The following FHIP1A variants were observed in gnomAD, a reference collection of about 807,000 sequenced individuals.
The protein encoded by FHIP1A is FHF complex subunit HOOK-interacting protein 1A.
Under a neutral mutation model 88.6 loss-of-function variants are expected in FHIP1A, and 61 were observed. The ratio of observed to expected loss-of-function variants is 0.69; its 90% CI spans 0.56 to 0.85. FHIP1A has a LOEUF of 0.85. Ranked by LOEUF, FHIP1A falls within the 40% of genes least tolerant of loss-of-function variation. The probability of loss-of-function intolerance (pLI) is 0.00; values close to 1 mark genes in which losing one functional copy is unlikely to be tolerated. For missense variants in FHIP1A, 1,154 were observed against 1,273.5 expected (o/e 0.91, Z 1.43); for synonymous variants, 478 against 496.0 (o/e 0.96, Z 0.48).
chr4:151,577,583 C>G lies in FHIP1A; in HGVS notation c.239C>G (p.Ala80Gly). The G allele has an allele frequency of 6.4e-7, 1 of 1,551,812 alleles. No individual in the cohort carries two copies. The highest frequency in any genetic ancestry group is 8.7e-7 in the Non-Finnish European group (1 of 1,147,010). The change falls in exon 5 of 14, where the codon GCC (alanine) becomes GGC (glycine). Residue 80 changes from alanine to glycine, a missense_variant. By Grantham distance (60) the Ala-to-Gly change is moderately conservative (BLOSUM62 0). Transcript: ENST00000435205. ...HMLFLLIEEQ[A>G]KDAAMGPILE... is the part of the protein sequence containing the mutation. ...CTCTTCTTGTTGATTGAAGAGCAAG[C>G]CAAAGATGCTGCAATGGGGCCGATT...
chr4:151,538,442 C>A (rs1255828506), intron 3 of FHIP1A, among the ~76,000 whole-genome samples: 1 of 152,142 alleles, frequency 6.6e-6, no homozygotes, highest in Non-Finnish European at 1.5e-5. Context: ...ATGCAGATTC[C>A]TGGATTTCCA....
At chr4:151,437,685 G>A (rs757624233) in intron 1 of FHIP1A, among the ~76,000 whole-genome samples, 21 of 152,118 alleles carry the variant, frequency 1.4e-4, no homozygotes, top group Non-Finnish European at 2.4e-4. Flanking sequence ...TTAAATTCCA[G>A]TACAACTGGA....
intron 3 of FHIP1A, among the ~76,000 whole-genome samples, chr4:151,510,832 CTT>C (rs1388142618): frequency 2.6e-5 from 4 of 152,210 alleles, no homozygotes; most frequent in Non-Finnish European, 5.9e-5. Flanking sequence ...AATTGAGAGT[CTT>C]TGCTGGGACT....
chr4:151,634,498 C>T (rs1417082980), intron 8 of FHIP1A, among the ~76,000 whole-genome samples: 3 of 151,630 alleles, frequency 2.0e-5, no homozygotes. Flanking sequence ...GCTCACATTT[C>T]CTTAAAACAT....
intron 5 of FHIP1A, among the ~76,000 whole-genome samples, chr4:151,581,538 A>G (rs1228273529): frequency 6.6e-6 from 1 of 152,230 alleles, no homozygotes; most frequent in East Asian, 1.9e-4. Context: ...AAAACACTGT[A>G]CAGATCATTA....
rs768990597 is a variant in FHIP1A, at chr4:151,586,632, T to C, written c.733-9T>C. ...AAAGCATTTATTTTGTTTTTATTTC[T>C]GAACACAGGTACTTGCAACTGGGCT... On this transcript the variant is annotated splice_polypyrimidine_tract_variant and intron_variant, in intron 5 of 13. Coordinates refer to ENST00000435205, the MANE Select transcript of FHIP1A (RefSeq NM_001109977.3). 6.5e-7 allele frequency: 1 copy of C among 1,532,346 alleles called. No homozygotes were observed. Among genetic ancestry groups the C allele is most frequent in the South Asian group, 1.2e-5 (1 of 82,820 alleles). The allele number at this position is 1,532,346 out of a possible 1,614,324, so 94.9% of individuals were successfully genotyped here.
At chr4:151,485,234 T>C (rs904451748) in intron 3 of FHIP1A, among the ~76,000 whole-genome samples, 2 of 151,504 alleles carry the variant, frequency 1.3e-5, no homozygotes, top group African/African-American at 4.9e-5. Flanking sequence ...TCTTCACATA[T>C]TCTATGACCC....
chr4:151,418,816 T>C (rs906056423), intron 1 of FHIP1A, among the ~76,000 whole-genome samples: 2 of 152,356 alleles, frequency 1.3e-5, no homozygotes, highest in Middle Eastern at 3.4e-3. Flanking sequence ...GAGCACCTTA[T>C]ATTGAATAGA....
At chr4:151,513,349 T>C (rs1731106810) in intron 3 of FHIP1A, among the ~76,000 whole-genome samples, 1 of 152,200 alleles carries the variant, frequency 6.6e-6, no homozygotes, top group South Asian at 2.1e-4. Context: ...TGCAAAATCA[T>C]GCCAAATTGT....
chr4:151,480,426 A>G (rs1195058966), intron 2 of FHIP1A, among the ~76,000 whole-genome samples: 2 of 152,082 alleles, frequency 1.3e-5, no homozygotes, highest in Non-Finnish European at 2.9e-5. Flanking sequence ...ATAATTCACA[A>G]ATTGCAAGAT....
chr4:151,580,495 G>A (rs1035109965), intron 5 of FHIP1A, among the ~76,000 whole-genome samples: 1 of 152,134 alleles, frequency 6.6e-6, no homozygotes, highest in South Asian at 2.1e-4. Context: ...GTGTTGTCAA[G>A]AGTGAAAAAA....
chr4:151,656,279 A>T lies in FHIP1A; in HGVS notation c.2599A>T (p.Asn867Tyr). ...VLSKLENMLE[N>Y]SLHVNLLLIG... The stretch of plus-strand genomic sequence containing the variant: ...GTCAAAGCTGGAGAACATGCTGGAG[A>T]ACTCTTTACATGTTAATTTGCTGCT... Residue 867 changes from asparagine to tyrosine, a missense_variant, in exon 12 of 14, where the codon AAC (asparagine) becomes TAC (tyrosine). Physicochemically the swap from Asn to Tyr is moderately radical, Grantham distance 143 (BLOSUM62 -2). Transcript: ENST00000435205. This position sits in a 1 kb window ranked among gnomAD's most constrained non-coding sequence, Gnocchi z 4.2. The T allele has an allele frequency of 6.4e-7, 1 of 1,551,512 alleles. No homozygotes were observed. Among genetic ancestry groups the T allele is most frequent in the Non-Finnish European group, 8.7e-7 (1 of 1,146,942 alleles).
chr4:151,650,238 C>T lies in FHIP1A; in HGVS notation c.2197C>T (p.Pro733Ser), dbSNP rs528947250. 6.4e-7 allele frequency: 1 copy of T among 1,551,724 alleles called. No homozygotes were observed. The highest frequency in any genetic ancestry group is 2.4e-5 in the East Asian group (1 of 40,908). ...ESNSELASPA[P>S]EAEHSSNLTA... Reference sequence around the variant, plus strand: ...CAACTCAGAGTTAGCATCCCCTGCCCCTGAGGCAGAGCACAGCTCTAACCT... The same window carrying T: ...CAACTCAGAGTTAGCATCCCCTGCCTCTGAGGCAGAGCACAGCTCTAACCT... The change falls in exon 11 of 14, where the codon CCT becomes TCT. Residue 733 changes from proline (P) to serine (S), a missense_variant. Physicochemically the swap from Pro to Ser is moderately conservative, Grantham distance 74. Transcript: ENST00000435205.
In FHIP1A at chr4:151,586,708, A is replaced by G. The variant is rs1444667541; in HGVS notation, c.800A>G (p.Glu267Gly). 1 of 1,551,310 alleles carries G rather than the reference A, an allele frequency of 6.4e-7. No individual in the cohort carries two copies. The highest frequency in any genetic ancestry group is 8.7e-7 in the Non-Finnish European group (1 of 1,146,676). The change falls in exon 6 of 14, where the codon GAA becomes GGA. Residue 267 changes from glutamate (E) to glycine (G), a missense_variant. Physicochemically the swap from Glu to Gly is moderately conservative, Grantham distance 98. Coordinates refer to ENST00000435205, the MANE Select transcript of FHIP1A (RefSeq NM_001109977.3). ...ACAAAGCTAGAAGAGAAAGGCGAGG[A>G]ATGGCACTGCCTTCTGAAAGATGAC... ...LPTKLEEKGE[E>G]WHCLLKDDWL...
At chr4:151,654,218 T>A (rs1737143610) in intron 11 of FHIP1A, among the ~76,000 whole-genome samples, 1 of 152,216 alleles carries the variant, frequency 6.6e-6, no homozygotes, top group African/African-American at 2.4e-5. Context: ...TCCATTTGTA[T>A]CATTACAGTC....
At chr4:151,530,799 C>A (rs902439858) in intron 3 of FHIP1A, among the ~76,000 whole-genome samples, 1 of 152,142 alleles carries the variant, frequency 6.6e-6, no homozygotes, top group African/African-American at 2.4e-5. Flanking sequence ...GGCTGGGTGA[C>A]CTTTGGCAAG....
intron 7 of FHIP1A, among the ~76,000 whole-genome samples, chr4:151,618,637 C>T (rs1674700869): frequency 6.6e-6 from 1 of 152,202 alleles, no homozygotes; most frequent in African/African-American, 2.4e-5. Context: ...GAAGCCTTCA[C>T]ATCTCATCGT....
intron 1 of FHIP1A, among the ~76,000 whole-genome samples, chr4:151,425,804 G>T (rs1733346648): frequency 6.6e-6 from 1 of 151,992 alleles, no homozygotes; most frequent in Non-Finnish European, 1.5e-5. Flanking sequence ...CTCTGTCTTT[G>T]CATCATTCTC....
intron 3 of FHIP1A, among the ~76,000 whole-genome samples, chr4:151,488,313 C>G (rs1013918976): frequency 1.3e-5 from 2 of 152,132 alleles, no homozygotes; most frequent in Non-Finnish European, 1.5e-5. Flanking sequence ...TTTTTCAGCT[C>G]TTTCCCCCCT....
Sources: allele counts gnomAD v4.1 joint callset (sites outside exome capture counted in the v4.1 genomes callset), GRCh38; gene constraint gnomAD v4.1.1; non-coding constraint Gnocchi (gnomAD v3.1); transcripts MANE v1.5; gene names NCBI Gene and HGNC (gene_info 2026-07-23, HGNC 2026-07-21).